Variants in OVCH1 observed in about 807,000 individuals in gnomAD.
The protein encoded by OVCH1 is ovochymase-1.
OVCH1 carries 139 observed loss-of-function variants against 138.4 expected under a neutral mutation model. The ratio of observed to expected loss-of-function variants is 1.00; its 90% CI spans 0.87 to 1.16. The LOEUF (loss-of-function observed/expected upper bound fraction) is 1.16, where lower values mean the gene tolerates loss of function less well. Ranked by LOEUF, OVCH1 falls within the 50% of genes most tolerant of loss-of-function variation. OVCH1 has a pLI of 0.00. For missense variants in OVCH1, 1,367 were observed against 1,357.9 expected, an observed-to-expected ratio of 1.01 and a Z score of -0.11; for synonymous variants, 453 against 467.8, an observed-to-expected ratio of 0.97 and a Z score of 0.41.
chr12:29,427,711 G>C, intron 27 of OVCH1: 1 of 1,524,860 alleles, frequency 6.6e-7, no homozygotes, highest in Non-Finnish European at 8.8e-7. Context: ...ATAGCAGCTT[G>C]AATGGGGTGA....
chr12:29,482,611 T>G (rs895531142), intron 8 of OVCH1, among the ~76,000 whole-genome samples: 13 of 152,232 alleles, frequency 8.5e-5, no homozygotes, highest in African/African-American at 3.1e-4. Flanking sequence ...CAATAGAAAT[T>G]TGTTGATTAT....
At chr12:29,473,410 A>C (rs1183852514) in intron 14 of OVCH1, among the ~76,000 whole-genome samples, 3 of 152,102 alleles carry the variant, frequency 2.0e-5, no homozygotes. Flanking sequence ...TTTAGCCTGA[A>C]AAGATATTGC....
At chr12:29,410,717 G>A (rs960012795), downstream of OVCH1, among the ~76,000 whole-genome samples, 189 of 151,904 alleles carry the variant, frequency 1.2e-3, 4 homozygotes, top group Non-Finnish European at 1.3e-3. Context: ...TGGGTAACCC[G>A]ACCTTTCTCT....
rs74993053 is a variant in OVCH1 at position 29,465,826 on chromosome 12, A to T, written c.1857-607T>A. Reference sequence around the variant, plus strand: ...TCACAGTGATGTTAAGAATATGTTTAAAAAAGACTTGGAACCAACCCAAAC... The same window carrying T: ...TCACAGTGATGTTAAGAATATGTTTTAAAAAGACTTGGAACCAACCCAAAC... On this transcript the variant is annotated intron_variant, in intron 16 of 27. Coordinates refer to ENST00000318184, the Ensembl canonical transcript of OVCH1. Among the ~76,000 whole-genome samples, 512 of 152,196 alleles carry T rather than the reference A, an allele frequency of 3.4e-3. 16 individuals carry two copies. In the East Asian group the frequency reaches 0.069, roughly 20 times the overall value.
intron 15 of OVCH1, 29 bp from the exon 16 acceptor site, chr12:29,472,011 TA>T (rs1942528399): frequency 6.3e-7 from 1 of 1,574,912 alleles, no homozygotes; most frequent in African/African-American, 1.4e-5. Context: ...CAATGACCCA[TA>T]AGGTTGCAGT....
the OVCH1 span, among the ~76,000 whole-genome samples, chr12:29,404,886 G>A: frequency 6.6e-6 from 1 of 151,822 alleles, no homozygotes; most frequent in Admixed American, 6.6e-5. Context: ...GCTGGGTGTG[G>A]TGGTGTGTGC....
chr12:29,491,544 T>C (rs1194221127), intron 4 of OVCH1, among the ~76,000 whole-genome samples: 1 of 152,108 alleles, frequency 6.6e-6, no homozygotes, highest in Non-Finnish European at 1.5e-5. Context: ...CTTTGAGAGA[T>C]TGAATTGATC....
chr12:29,427,558 G>A (rs1320293297), downstream of OVCH1: 1 of 1,551,376 alleles, frequency 6.4e-7, no homozygotes, highest in Non-Finnish European at 8.7e-7. Flanking sequence ...GACCCAGTGA[G>A]AATGGGCTGT....
At chr12:29,429,541 T>A (rs1022172086) in intron 27 of OVCH1, among the ~76,000 whole-genome samples, 10 of 152,218 alleles carry the variant, frequency 6.6e-5, no homozygotes, top group African/African-American at 2.2e-4. Context: ...AAAGATAAAT[T>A]TACAAAGTAG....
intron 19 of OVCH1, among the ~76,000 whole-genome samples, chr12:29,457,765 AAGAC>A (rs1356029803): frequency 6.6e-6 from 1 of 152,170 alleles, no homozygotes; most frequent in Non-Finnish European, 1.5e-5. Context: ...CATACCGAGT[AAGAC>A]AGAGTATAAA....
chr12:29,497,556 T>C (rs2136106049), intron 1 of OVCH1, 67 bp downstream of exon 1: 1 of 1,581,732 alleles, frequency 6.3e-7, no homozygotes, highest in Middle Eastern at 1.7e-4. Context: ...CAAGGAGTAA[T>C]GAAGTCTTCC....
At chr12:29,451,605 A>T in intron 21 of OVCH1, 36 bp from the exon 22 acceptor site, 3 of 1,519,826 alleles carry the variant, frequency 2.0e-6, no homozygotes, top group Non-Finnish European at 1.8e-6. Context: ...AGGGACCAAC[A>T]TAAATAAAGC....
intron 26 of OVCH1, among the ~76,000 whole-genome samples, chr12:29,438,333 T>C (rs937753120): frequency 6.6e-6 from 1 of 152,168 alleles, no homozygotes; most frequent in Non-Finnish European, 1.5e-5. Flanking sequence ...ACCATGGTTT[T>C]AGAGTATACT....
intron 27 of OVCH1, chr12:29,433,605 G>A: frequency 2.6e-6 from 2 of 767,118 alleles, no homozygotes; most frequent in Non-Finnish European, 3.8e-6. Flanking sequence ...TACTATGGCA[G>A]GGACTGTCTT....
intron 8 of OVCH1, among the ~76,000 whole-genome samples, chr12:29,483,957 T>C (rs2136060508): frequency 6.6e-6 from 1 of 152,310 alleles, no homozygotes; most frequent in East Asian, 1.9e-4. Context: ...CTTTCTTGGA[T>C]GGTATGGATT....
chr12:29,406,404 C>T, the OVCH1 span, among the ~76,000 whole-genome samples: 1 of 152,104 alleles, frequency 6.6e-6, no homozygotes, highest in East Asian at 1.9e-4. Context: ...TGCTGCGCTG[C>T]ACCCACTAAC....
chr12:29,487,980 A>G, intron 6 of OVCH1, 98 bp from the exon 7 acceptor site: 1 of 1,209,152 alleles, frequency 8.3e-7, no homozygotes, highest in Non-Finnish European at 1.1e-6. Context: ...AAGTGAAAAG[A>G]GGTAGAGGCA....
At chr12:29,465,259 CA>C (rs778897140) in intron 16 of OVCH1, 40 bp from the exon 17 acceptor site, 122 of 1,516,952 alleles carry the variant, frequency 8.0e-5, no homozygotes, top group Non-Finnish European at 1.1e-4. Context: ...CATGAAAACA[CA>C]TTTGTATTAG....
rs140086150 is a variant in OVCH1, at chr12:29,443,447, A to G, written c.3071T>C (p.Ile1024Thr). The change falls in exon 25 of 28, where the codon ATT becomes ACT. Residue 1024 changes from isoleucine to threonine, a missense_variant. By Grantham distance (89) the Ile-to-Thr change is moderately conservative (BLOSUM62 -1). Coordinates refer to ENST00000318184, the Ensembl canonical transcript of OVCH1. ...AGTTGTTGGCTTCATCGGGAAGTTA[A>G]TAATATTAAGCTGAATGATGTGATT... The G allele has an allele frequency of 7.3e-5, 118 of 1,611,188 alleles. No individual in the cohort carries two copies. In the East Asian group the frequency reaches 2.0e-3, roughly 27 times the overall value.
Sources: allele counts gnomAD v4.1 joint callset (sites outside exome capture counted in the v4.1 genomes callset), GRCh38; gene constraint gnomAD v4.1.1; transcripts MANE v1.5; gene names NCBI Gene and HGNC (gene_info 2026-07-23, HGNC 2026-07-21).